CRPPA: variants seen among roughly 807,000 people sequenced by gnomAD.
CRPPA encodes the protein CDP-L-ribitol pyrophosphorylase A, also known as D-ribitol-5-phosphate cytidylyltransferase.
A neutral mutation model predicts 52.0 loss-of-function variants in CRPPA; 43 were observed. That is an observed-to-expected ratio of 0.83 (90% confidence interval 0.65 to 1.07). CRPPA has a LOEUF of 1.07. Among genes scored for constraint, CRPPA ranks in the 50% least tolerant of loss-of-function variants. CRPPA has a pLI of 0.00. For synonymous variants in CRPPA, 250 were observed against 203.5 expected (o/e 1.23, Z -1.94); for missense variants, 629 against 551.7 (o/e 1.14, Z -1.40).
intron 3 of CRPPA, among the ~76,000 whole-genome samples, chr7:16,353,216 T>C (rs933978502): frequency 1.3e-5 from 2 of 151,896 alleles, no homozygotes; most frequent in African/African-American, 2.4e-5. Context: ...TAGCCAGGCA[T>C]GGTGGCACTG....
chr7:16,377,951 G>A (rs938483314), intron 2 of CRPPA, among the ~76,000 whole-genome samples: 7 of 151,918 alleles, frequency 4.6e-5, no homozygotes, highest in South Asian at 2.1e-4. Flanking sequence ...TCACACATAC[G>A]GCAGTTTTCA....
chr7:16,091,922 C>T (rs745680919), intron 9 of CRPPA, 123 bp from the exon 10 acceptor site: 10 of 526,538 alleles, frequency 1.9e-5, no homozygotes. Flanking sequence ...AACTCAGACT[C>T]TAGCCACTGT....
chr7:16,309,559 G>A (rs1784990220), intron 3 of CRPPA, among the ~76,000 whole-genome samples: 1 of 152,102 alleles, frequency 6.6e-6, no homozygotes. Context: ...TAAATCAAAA[G>A]GTGCTTTGCA....
intron 2 of CRPPA, among the ~76,000 whole-genome samples, chr7:16,394,338 T>C (rs779932803): frequency 3.3e-5 from 5 of 152,190 alleles, no homozygotes; most frequent in Non-Finnish European, 5.9e-5. Context: ...CCAAATACAC[T>C]GTGCAAAGTA....
chr7:16,154,958 C>A (rs1287775136), intron 9 of CRPPA, among the ~76,000 whole-genome samples: 11 of 148,214 alleles, frequency 7.4e-5, no homozygotes. Flanking sequence ...GCACCACACA[C>A]CCAGCTAATT....
chr7:16,373,969 TCTAA>T (rs1786815047), intron 3 of CRPPA, among the ~76,000 whole-genome samples: 1 of 152,174 alleles, frequency 6.6e-6, no homozygotes, highest in Admixed American at 6.5e-5. Flanking sequence ...GTGAGTTTCT[TCTAA>T]CTGACTAACT....
intron 6 of CRPPA, among the ~76,000 whole-genome samples, chr7:16,260,785 T>G (rs1039857399): frequency 1.3e-5 from 2 of 152,008 alleles, no homozygotes; most frequent in South Asian, 2.1e-4. Context: ...ACATGAGAGA[T>G]ATTCTGATTC....
At chr7:16,409,338 G>A (rs950640390) in intron 1 of CRPPA, among the ~76,000 whole-genome samples, 5 of 152,232 alleles carry the variant, frequency 3.3e-5, no homozygotes, top group African/African-American at 7.2e-5. Flanking sequence ...GTAAGAGAAT[G>A]TGGTTTTAAG....
rs965020801 is a variant in CRPPA, at chr7:16,421,476, C to G, written c.-154G>C. Among the ~76,000 whole-genome samples the G allele has an allele frequency of 2.0e-5, 3 of 152,160 alleles. No individual in the cohort carries two copies. Among genetic ancestry groups the G allele is most frequent in the South Asian group, 2.1e-4 (1 of 4,836 alleles). On this transcript the variant is annotated 5_prime_UTR_variant, in exon 1 of 10. Coordinates refer to ENST00000407010, the MANE Select transcript of CRPPA (RefSeq NM_001101426.4). ...GCGCCCCCCTCAGCCGTCGGAGCCCCGCTGTTGCTGCCCCGCAGGGGACGA... is the reference window on the plus strand; with the variant it reads ...GCGCCCCCCTCAGCCGTCGGAGCCCGGCTGTTGCTGCCCCGCAGGGGACGA...
At position 16,356,438 on chromosome 7, in the gene CRPPA, T is replaced by C. The variant is rs528117841; in HGVS notation, c.684+19654A>G. 5.3e-5 allele frequency among the ~76,000 whole-genome samples: 8 copies of C among 152,298 alleles called. No individual in the cohort carries two copies. The South Asian group carries it at 1.7e-3, about 32-fold the overall frequency. On this transcript the variant is annotated intron_variant, in intron 3 of 9. Transcript: ENST00000407010. ...CTTGGAGGTGGGGGAGTATCTGGTTTTCCTCTTTTTAAACACAGGCTGGCC... is the reference window on the plus strand; with the variant it reads ...CTTGGAGGTGGGGGAGTATCTGGTTCTCCTCTTTTTAAACACAGGCTGGCC...
At chr7:16,343,914 G>A (rs979795442) in intron 3 of CRPPA, among the ~76,000 whole-genome samples, 1 of 152,146 alleles carries the variant, frequency 6.6e-6, no homozygotes, top group East Asian at 1.9e-4. Flanking sequence ...CATGCATAGA[G>A]CCCTTAGGCA....
intron 9 of CRPPA, among the ~76,000 whole-genome samples, chr7:16,116,818 T>C (rs985730251): frequency 6.6e-6 from 1 of 151,962 alleles, no homozygotes; most frequent in Non-Finnish European, 1.5e-5. Context: ...AAAAAGCGTA[T>C]CAGAGGAACA....
intron 5 of CRPPA, among the ~76,000 whole-genome samples, chr7:16,293,026 C>T (rs558473996): frequency 3.3e-5 from 5 of 151,976 alleles, no homozygotes; most frequent in African/African-American, 9.6e-5. Context: ...GACAGACCCA[C>T]GACACATTAA....
chr7:16,112,932 C>A (rs1458936698), intron 9 of CRPPA, among the ~76,000 whole-genome samples: 1 of 151,816 alleles, frequency 6.6e-6, no homozygotes. Flanking sequence ...TACATAAATA[C>A]AGAAATGCAT....
At chr7:16,292,374 T>C (rs1470339375) in intron 5 of CRPPA, among the ~76,000 whole-genome samples, 1 of 151,916 alleles carries the variant, frequency 6.6e-6, no homozygotes, top group East Asian at 1.9e-4. Flanking sequence ...TATGTACTAT[T>C]AGGTCCAAGT....
chr7:16,366,732 A>G (rs944387018), intron 3 of CRPPA, among the ~76,000 whole-genome samples: 1 of 151,774 alleles, frequency 6.6e-6, no homozygotes, highest in Non-Finnish European at 1.5e-5. Context: ...TGACATGACT[A>G]TATGAACCTA....
At chr7:16,301,340 G>C (rs1784785982) in intron 5 of CRPPA, 81 bp downstream of exon 5, 1 of 1,126,800 alleles carries the variant, frequency 8.9e-7, no homozygotes, top group Non-Finnish European at 1.3e-6. Flanking sequence ...GAGATTGCTG[G>C]GATTTAAACT....
At chr7:16,281,422 T>C (rs1231950131) in intron 5 of CRPPA, among the ~76,000 whole-genome samples, 2 of 152,250 alleles carry the variant, frequency 1.3e-5, no homozygotes, top group Admixed American at 6.5e-5. Context: ...TGATGTTTTA[T>C]AGATTTTAAC....
At chr7:16,373,800 G>T (rs561504079) in intron 3 of CRPPA, among the ~76,000 whole-genome samples, 3 of 152,200 alleles carry the variant, frequency 2.0e-5, no homozygotes, top group African/African-American at 7.2e-5. Context: ...TAAGCCAGAA[G>T]AAACAGGGAG....
Sources: gnomAD v4.1 joint callset for allele counts (sites outside exome capture counted in the v4.1 genomes callset) on GRCh38, gnomAD v4.1.1 for gene constraint, MANE v1.5 for transcripts, NCBI Gene and HGNC (gene_info 2026-07-23, HGNC 2026-07-21) for gene names.